The following CDCA7L variants were observed in gnomAD, a reference collection of about 807,000 sequenced individuals.
The protein encoded by CDCA7L is cell division cycle-associated 7-like protein.
A neutral mutation model predicts 57.4 loss-of-function variants in CDCA7L; 44 were observed. The observed-to-expected ratio is 0.77, with a 90% CI of 0.60 to 0.98. The LOEUF (loss-of-function observed/expected upper bound fraction) is 0.98. CDCA7L is among the 50% of genes least tolerant of loss of function. The probability of loss-of-function intolerance (pLI) is 0.00; values close to 1 mark genes in which losing one functional copy is unlikely to be tolerated. For synonymous variants in CDCA7L, 236 were observed against 202.8 expected, an observed-to-expected ratio of 1.16 and a Z score of -1.39; for missense variants, 644 against 580.6, an observed-to-expected ratio of 1.11 and a Z score of -1.12.
intron 1 of CDCA7L, among the ~76,000 whole-genome samples, chr7:21,928,673 C>G: frequency 6.6e-6 from 1 of 151,124 alleles, no homozygotes; most frequent in Non-Finnish European, 1.5e-5. Context: ...GTATCAATAG[C>G]CAAATCGATC....
chr7:21,927,637 A>T (rs1187474755), intron 1 of CDCA7L, among the ~76,000 whole-genome samples: 1 of 152,234 alleles, frequency 6.6e-6, no homozygotes, highest in Non-Finnish European at 1.5e-5. Context: ...AACTCCCCAA[A>T]CTGGCTGAAA....
At chr7:21,944,500 G>A (rs1015032933) in intron 1 of CDCA7L, among the ~76,000 whole-genome samples, 5 of 139,342 alleles carry the variant, frequency 3.6e-5, no homozygotes, top group Admixed American at 3.6e-4. Flanking sequence ...AAAGCCAGTG[G>A]CAAAAAATAA....
At chr7:21,906,213 T>C in intron 6 of CDCA7L, 76 bp downstream of exon 6, 1 of 1,416,798 alleles carries the variant, frequency 7.1e-7, no homozygotes, top group Non-Finnish European at 9.6e-7. Flanking sequence ...AGCCCTGGGG[T>C]GACAGTGACG....
chr7:21,931,660 C>A (rs1191709564), intron 1 of CDCA7L, among the ~76,000 whole-genome samples: 3 of 152,224 alleles, frequency 2.0e-5, no homozygotes, highest in Admixed American at 6.5e-5. Flanking sequence ...GACAAACCCA[C>A]AGCCAATATC....
chr7:21,929,914 C>A (rs1351855007), intron 1 of CDCA7L, among the ~76,000 whole-genome samples: 1 of 152,118 alleles, frequency 6.6e-6, no homozygotes, highest in African/African-American at 2.4e-5. Context: ...ATCAAAGAGA[C>A]AGCAAATTAA....
At chr7:21,935,440 C>T (rs139126886) in intron 1 of CDCA7L, among the ~76,000 whole-genome samples, 37 of 151,968 alleles carry the variant, frequency 2.4e-4, no homozygotes, top group Middle Eastern at 3.4e-3. Context: ...ATGAAGATCT[C>T]CAACCAAAAA....
At chr7:21,940,472 A>G (rs10264970) in intron 1 of CDCA7L, among the ~76,000 whole-genome samples, 3 of 152,234 alleles carry the variant, frequency 2.0e-5, no homozygotes, top group African/African-American at 4.8e-5. Context: ...ACACCATGCT[A>G]AGAGAGCTGA....
At chr7:21,913,638 T>C (rs1478721212) in intron 2 of CDCA7L, among the ~76,000 whole-genome samples, 1 of 152,174 alleles carries the variant, frequency 6.6e-6, no homozygotes, top group Admixed American at 6.5e-5. Context: ...TAGAGTGGTA[T>C]TTCTGTGTGC....
intron 1 of CDCA7L, among the ~76,000 whole-genome samples, chr7:21,934,669 T>C (rs988581361): frequency 2.0e-5 from 3 of 152,116 alleles, no homozygotes; most frequent in Non-Finnish European, 4.4e-5. Context: ...CTCTACACTA[T>C]CTACAACAGA....
chr7:21,906,536 G>C, intron 5 of CDCA7L, 32 bp downstream of exon 5: 9 of 1,611,362 alleles, frequency 5.6e-6, no homozygotes, highest in Non-Finnish European at 6.8e-6. Flanking sequence ...CCATATATCA[G>C]TATTGGTATA....
In CDCA7L at chr7:21,906,289, C is replaced by A; in HGVS notation, c.921G>T (p.Gly307=). The A allele has an allele frequency of 6.3e-7, 1 of 1,589,556 alleles. No individual in the cohort carries two copies. Residue 307 remains glycine (G), a splice_region_variant and synonymous_variant, in exon 6 of 10, where the codon GGG becomes GGT. Transcript: ENST00000406877. ...FYSFRRRKTI[G]GKCREYRRRH... ...AATTCATGTATTAGTCAGAAAATAC[C>A]CCAATTGTCTTCCTTCTTCGGAAGC...
At position 21,916,847 on chromosome 7, in the gene CDCA7L, T is replaced by A. The variant is rs1054194530; in HGVS notation, c.72A>T (p.Glu24Asp). 6 of 1,614,102 alleles carry A rather than the reference T, an allele frequency of 3.7e-6. No homozygotes were observed. Among genetic ancestry groups the A allele is most frequent in the Non-Finnish European group, 4.2e-6 (5 of 1,179,978 alleles). Residue 24 changes from glutamate (E) to aspartate (D), a missense_variant, in exon 2 of 10, where the codon GAA becomes GAT. Transcript: ENST00000406877. ...ADIFNAPSDD[E>D]EFVGFRDDVP... is the part of the protein sequence containing the mutation. ...CATCATCTCGGAAGCCAACAAACTCTTCATCATCACTGGGGGCGTTAAAGA... is the reference window on the plus strand; with the variant it reads ...CATCATCTCGGAAGCCAACAAACTCATCATCATCACTGGGGGCGTTAAAGA...
chr7:21,938,763 G>A (rs958633322), intron 1 of CDCA7L, among the ~76,000 whole-genome samples: 3 of 152,178 alleles, frequency 2.0e-5, no homozygotes, highest in Non-Finnish European at 4.4e-5. Flanking sequence ...CCAGCACTTT[G>A]GGAGGCCAAG....
intron 1 of CDCA7L, among the ~76,000 whole-genome samples, chr7:21,941,697 G>A (rs115733320): frequency 1.1e-3 from 170 of 152,306 alleles, no homozygotes; most frequent in African/African-American, 3.9e-3. Flanking sequence ...ACCAAGGCCC[G>A]GTGATTCCAG....
At chr7:21,902,392 ATACACAAATGGCAT>A (rs767444793) in intron 9 of CDCA7L, 40 bp from the exon 10 acceptor site, 66 of 1,586,976 alleles carry the variant, frequency 4.2e-5, no homozygotes, top group Admixed American at 2.2e-4. Context: ...AGTAGTACAA[ATACACAAATGGCAT>A]TCTAGGCTTG....
At position 21,901,238 on chromosome 7, in the gene CDCA7L, T is replaced by TGCTTCTAG; in HGVS notation, c.*1076_*1083dup. The stretch of plus-strand genomic sequence containing the variant: ...AAATGGGTTCTGGCTGGAGTGGCTC[T>TGCTTCTAG]GCTTCTAGAAGCGTAAGGTAACACT... On this transcript the variant is annotated 3_prime_UTR_variant, in exon 10 of 10. Transcript: ENST00000406877. 1 of 1,607,480 alleles carries TGCTTCTAG rather than the reference T, an allele frequency of 6.2e-7. No individual in the cohort carries two copies. Among genetic ancestry groups the TGCTTCTAG allele is most frequent in the East Asian group, 2.2e-5 (1 of 44,520 alleles).
At chr7:21,902,941 T>G (rs925220013) in intron 9 of CDCA7L, 37 bp downstream of exon 9, 1 of 1,600,470 alleles carries the variant, frequency 6.2e-7, no homozygotes, top group African/African-American at 1.3e-5. Flanking sequence ...GCCTCAAGAT[T>G]TCAAGCTGTT....
Position 21,916,787 on chromosome 7 carries a change from G to A in CDCA7L, c.132C>T (p.Cys44=), listed in dbSNP as rs1128250. 347,298 of 1,612,908 alleles carry A rather than the reference G, an allele frequency of 0.22. 44,277 individuals carry two copies. Among genetic ancestry groups the A allele is most frequent in the East Asian group, 0.57 (25,454 of 44,830 alleles). The part of the protein sequence containing the change: ...PMETLSSEES[C]DSFDSLESGK... ...CTGACTCTAGTGAGTCAAAACTATC[G>A]CAGCTCTCCTCTGACGAGAGGGTTT... The change falls in exon 2 of 10, where the codon TGC becomes TGT. Residue 44 remains cysteine, a synonymous_variant. Coordinates refer to ENST00000406877, the MANE Select transcript of CDCA7L (RefSeq NM_018719.5).
chr7:21,922,942 A>G (rs1211478070), intron 1 of CDCA7L, among the ~76,000 whole-genome samples: 1 of 152,218 alleles, frequency 6.6e-6, no homozygotes, highest in Non-Finnish European at 1.5e-5. Flanking sequence ...GTATGATTCT[A>G]CTTATAACAG....
Sources: gnomAD v4.1 joint callset for allele counts (sites outside exome capture counted in the v4.1 genomes callset) on GRCh38, gnomAD v4.1.1 for gene constraint, MANE v1.5 for transcripts, NCBI Gene and HGNC (gene_info 2026-07-23, HGNC 2026-07-21) for gene names.